FAT3: variants seen among roughly 807,000 people sequenced by gnomAD.
FAT3 encodes the protein protocadherin Fat 3.
Under a neutral mutation model 310.2 loss-of-function variants are expected in FAT3, and 95 were observed. That is an observed-to-expected ratio of 0.31 (90% CI 0.26 to 0.36). The LOEUF (loss-of-function observed/expected upper bound fraction) is 0.36, where lower values mean the gene tolerates loss of function less well. FAT3 is among the 10% of genes least tolerant of loss of function. The pLI is 1.00. For missense variants in FAT3, 5,408 were observed against 5,715.6 expected (o/e 0.95, Z 1.74); for synonymous variants, 2,314 against 2,192.9 (o/e 1.06, Z -1.54).
At chr11:92,311,006 ATATATATACACATATATG>A (rs977969585) in intron 1 of FAT3, among the ~76,000 whole-genome samples, 13 of 151,542 alleles carry the variant, frequency 8.6e-5, no homozygotes, top group African/African-American at 3.1e-4. Flanking sequence ...ATGTGTATGT[ATATATATACACATATATG>A]TATATATATA....
intron 3 of FAT3, among the ~76,000 whole-genome samples, chr11:92,665,621 C>T (rs1000726255): frequency 3.1e-4 from 47 of 152,184 alleles, no homozygotes; most frequent in African/African-American, 1.1e-3. Context: ...GGAATGACCA[C>T]AGATCAGTCA....
chr11:92,793,150 T>C (rs978920808), intron 9 of FAT3, among the ~76,000 whole-genome samples, 173 bp downstream of exon 9: 1 of 152,214 alleles, frequency 6.6e-6, no homozygotes, highest in African/African-American at 2.4e-5. Flanking sequence ...TTCTTGATGT[T>C]TCAGTAATAG....
At chr11:92,470,243 C>T (rs539777761) in intron 2 of FAT3, among the ~76,000 whole-genome samples, 5 of 152,266 alleles carry the variant, frequency 3.3e-5, no homozygotes, top group South Asian at 2.1e-4. Flanking sequence ...TATAAGCAAA[C>T]GTTTCATAAA....
At chr11:92,430,273 C>T (rs1950735646) in intron 2 of FAT3, among the ~76,000 whole-genome samples, 1 of 152,122 alleles carries the variant, frequency 6.6e-6, no homozygotes, top group African/African-American at 2.4e-5. Context: ...GTTAGCAGTT[C>T]TTGCAACCTC....
Position 92,589,379 on chromosome 11 carries a change from T to C in FAT3, c.3607+64431T>C, listed in dbSNP as rs191004342. ...GTCTTCACCACAGATCCATGTGTTATGGCCCTTCTTTACTACTGAAAATTT... is the reference window on the plus strand; with the variant it reads ...GTCTTCACCACAGATCCATGTGTTACGGCCCTTCTTTACTACTGAAAATTT... On this transcript the variant is annotated intron_variant, in intron 3 of 27. Transcript: ENST00000525166. Among the ~76,000 whole-genome samples, 267 of 152,220 alleles carry C rather than the reference T, an allele frequency of 1.8e-3. 3 individuals carry two copies. Among genetic ancestry groups the C allele is most frequent in the Non-Finnish European group, 3.2e-3 (218 of 67,972 alleles).
At position 92,797,849 on chromosome 11, in the gene FAT3, C is replaced by T. The variant is rs1414308569; in HGVS notation, c.4836C>T (p.Asn1612=). 2.5e-6 allele frequency: 4 copies of T among 1,609,038 alleles called. No homozygotes were observed. The highest frequency in any genetic ancestry group is 2.7e-5 in the African/African-American group (2 of 74,818). The change falls in exon 10 of 28, where the codon AAC becomes AAT. Residue 1612 remains asparagine (N), a synonymous_variant. Transcript: ENST00000525166. ...IYTIEAGNTG[N]MFKIEPVLGI... ...TCTGTATTTTAGGGAACACTGGGAACATGTTTAAGATCGAACCGGTCCTAG... is the reference window on the plus strand; with the variant it reads ...TCTGTATTTTAGGGAACACTGGGAATATGTTTAAGATCGAACCGGTCCTAG...
At chr11:92,606,973 G>A (rs1292526201) in intron 3 of FAT3, among the ~76,000 whole-genome samples, 1 of 152,172 alleles carries the variant, frequency 6.6e-6, no homozygotes, top group Non-Finnish European at 1.5e-5. Flanking sequence ...TTTCAGAGGA[G>A]CTTTAGTGCC....
intron 13 of FAT3, among the ~76,000 whole-genome samples, chr11:92,827,548 A>G (rs12794968): frequency 1.9e-3 from 290 of 152,328 alleles, no homozygotes; most frequent in Admixed American, 3.5e-3. Flanking sequence ...CCTGTCTTCC[A>G]GTACTAGACC....
At chr11:92,666,048 C>G (rs1942937715) in intron 3 of FAT3, among the ~76,000 whole-genome samples, 1 of 152,118 alleles carries the variant, frequency 6.6e-6, no homozygotes, top group Non-Finnish European at 1.5e-5. Context: ...AAACTGCACT[C>G]TAAGCTTATA....
chr11:92,390,285 A>T (rs1374819586), intron 2 of FAT3, among the ~76,000 whole-genome samples: 1 of 152,172 alleles, frequency 6.6e-6, no homozygotes, highest in Admixed American at 6.5e-5. Flanking sequence ...AGAGTTAGGT[A>T]GGACTTGAGT....
At chr11:92,540,555 A>G (rs1954413285) in intron 3 of FAT3, among the ~76,000 whole-genome samples, 1 of 152,182 alleles carries the variant, frequency 6.6e-6, no homozygotes, top group African/African-American at 2.4e-5. Context: ...TGTTGGAGAA[A>G]TCTTACAAAT....
intron 2 of FAT3, among the ~76,000 whole-genome samples, chr11:92,434,863 C>T (rs973824560): frequency 1.7e-4 from 26 of 152,122 alleles, no homozygotes; most frequent in African/African-American, 6.0e-4. Flanking sequence ...TCAGTGTCCT[C>T]ATATATGAAA....
In FAT3 at chr11:92,893,729, G is replaced by A. The variant is rs1668296212; in HGVS notation, c.*2616G>A. 6.6e-6 allele frequency: 1 copy of A among 152,180 alleles called. No individual in the cohort carries two copies. The highest frequency in any genetic ancestry group is 1.5e-5 in the Non-Finnish European group (1 of 68,030). 9.4% of individuals were successfully genotyped at this position (152,180 alleles called of 1,614,324 possible). On this transcript the variant is annotated 3_prime_UTR_variant, in exon 28 of 28. Coordinates refer to ENST00000525166, the MANE Select transcript of FAT3 (RefSeq NM_001367949.2). ...CTGCAGCTAAATATATACCAGGCAA[G>A]CATGTATTGTGTTTTGATTTATTAT...
chr11:92,230,878 G>A (rs566009537), intron 1 of FAT3, among the ~76,000 whole-genome samples: 13 of 152,276 alleles, frequency 8.5e-5, no homozygotes, highest in African/African-American at 3.1e-4. Flanking sequence ...AGGAGTGTAA[G>A]TTATTAAAGT....
chr11:92,374,705 T>A (rs1206154884), intron 2 of FAT3, among the ~76,000 whole-genome samples: 2 of 152,188 alleles, frequency 1.3e-5, no homozygotes, highest in Non-Finnish European at 1.5e-5. Context: ...ATGGACCCCA[T>A]CTCAAACTTC....
chr11:92,547,032 A>G (rs1012470509), intron 3 of FAT3, among the ~76,000 whole-genome samples: 7 of 152,080 alleles, frequency 4.6e-5, no homozygotes, highest in African/African-American at 1.7e-4. Context: ...CAAGGGTCTT[A>G]TGCTCAGACC....
Position 92,356,040 on chromosome 11 carries a change from A to T in FAT3, c.3292+636A>T, listed in dbSNP as rs182587636. On this transcript the variant is annotated intron_variant, in intron 2 of 27. Transcript: ENST00000525166. ...ATTTTAAGAATTTATTTGTAAGGAGATATTTACAAAACATTAAAAAATATG... is the reference window on the plus strand; with the variant it reads ...ATTTTAAGAATTTATTTGTAAGGAGTTATTTACAAAACATTAAAAAATATG... 2.2e-3 allele frequency among the ~76,000 whole-genome samples: 330 copies of T among 152,294 alleles called. 1 individual carries two copies. Among genetic ancestry groups the T allele is most frequent in the African/African-American group, 7.3e-3 (305 of 41,554 alleles).
Position 92,801,772 on chromosome 11 carries a change from A to G in FAT3, c.8759A>G (p.Asn2920Ser), listed in dbSNP as rs1393831447. ...GTCAGAGTGACAGATATAAATGACA[A>G]TGCACCAGTCTTCGCGCAGGAAGTG... is the stretch of plus-strand genomic sequence containing the variant. ...VSVRVTDIND[N>S]APVFAQEVYR... The change falls in exon 10 of 28, where the codon AAT (asparagine) becomes AGT (serine). Residue 2920 changes from asparagine to serine, a missense_variant. Asn to Ser is a conservative substitution (Grantham distance 46). Around this residue, in one of 5 missense-constraint regions of FAT3, gnomAD observed 4,588 missense variants for 4,809.8 expected, o/e 0.95. Coordinates refer to ENST00000525166, the MANE Select transcript of FAT3 (RefSeq NM_001367949.2). 1.9e-6 allele frequency: 3 copies of G among 1,613,906 alleles called. No homozygotes were observed. The highest frequency in any genetic ancestry group is 2.2e-5 in the South Asian group (2 of 91,076).
intron 3 of FAT3, among the ~76,000 whole-genome samples, chr11:92,623,292 T>C (rs1941171262): frequency 6.6e-6 from 1 of 152,192 alleles, no homozygotes. Flanking sequence ...GTCTTACTCA[T>C]TTTAGCATTT....
Sources: gnomAD v4.1 joint callset for allele counts (sites outside exome capture counted in the v4.1 genomes callset) on GRCh38, gnomAD v4.1.1 for gene constraint, gnomAD v4.1.1 regional missense constraint, MANE v1.5 for transcripts, NCBI Gene and HGNC (gene_info 2026-07-23, HGNC 2026-07-21) for gene names.